Variants in CEP128 observed in about 807,000 individuals in gnomAD.
The protein encoded by CEP128 is centrosomal protein 128, also known as centrosomal protein 128kDa.
CEP128 carries 132 observed loss-of-function variants against 156.7 expected under a neutral mutation model. The ratio of observed to expected loss-of-function variants is 0.84; its 90% CI spans 0.73 to 0.97. CEP128 has a LOEUF of 0.97. CEP128 is among the 50% of genes least tolerant of loss of function. CEP128 has a pLI of 0.00. For missense variants in CEP128, 1,252 were observed against 1,281.9 expected (o/e 0.98, Z 0.36); for synonymous variants, 469 against 448.9 (o/e 1.04, Z -0.57).
intron 18 of CEP128, among the ~76,000 whole-genome samples, chr14:80,753,001 T>C (rs937292514): frequency 1.4e-5 from 2 of 146,782 alleles, no homozygotes; most frequent in African/African-American, 2.4e-5. Flanking sequence ...AGTGTATTTC[T>C]TACCCATCTA....
At chr14:80,689,975 G>GT (rs1348628660) in intron 19 of CEP128, among the ~76,000 whole-genome samples, 1 of 152,056 alleles carries the variant, frequency 6.6e-6, no homozygotes, top group Non-Finnish European at 1.5e-5. Flanking sequence ...AAGTAGATCT[G>GT]TGAGTCCCTG....
chr14:80,712,702 T>G (rs1897458027), intron 19 of CEP128, among the ~76,000 whole-genome samples: 1 of 152,186 alleles, frequency 6.6e-6, no homozygotes, highest in Non-Finnish European at 1.5e-5. Flanking sequence ...GCAAGCACTC[T>G]GGCAGCCTCA....
intron 13 of CEP128, among the ~76,000 whole-genome samples, chr14:80,815,566 G>A (rs1051256848): frequency 1.3e-5 from 2 of 152,150 alleles, no homozygotes; most frequent in African/African-American, 4.8e-5. Context: ...ACACTACTGA[G>A]AATCAACATG....
chr14:80,845,524 T>C (rs978996332), intron 9 of CEP128, among the ~76,000 whole-genome samples: 12 of 152,156 alleles, frequency 7.9e-5, no homozygotes, highest in Non-Finnish European at 1.6e-4. Context: ...TTTGACTTTC[T>C]AAATGCAGGG....
intron 19 of CEP128, among the ~76,000 whole-genome samples, chr14:80,600,384 G>C (rs1479976175): frequency 6.6e-6 from 1 of 152,162 alleles, no homozygotes; most frequent in Admixed American, 6.5e-5. Context: ...CTTGAAAGCA[G>C]TGAGAGAAAA....
rs548843345 is a variant in CEP128, at chr14:80,632,061, T to A, written c.2807-51638A>T. On this transcript the variant is annotated intron_variant, in intron 19 of 24. Transcript: ENST00000555265. ...TCTGAATTCTTACCAGTCACCTGAT[T>A]AAAAAGGTGCTGCTTCTATAATGTA... Among the ~76,000 whole-genome samples, 11 of 152,218 alleles carry A rather than the reference T, an allele frequency of 7.2e-5. No individual in the cohort carries two copies. The East Asian group carries it at 2.1e-3, about 29-fold the overall frequency.
chr14:80,853,914 G>A (rs1316596168), intron 9 of CEP128, among the ~76,000 whole-genome samples: 1 of 151,824 alleles, frequency 6.6e-6, no homozygotes, highest in African/African-American at 2.4e-5. Flanking sequence ...CAAAAATGAT[G>A]CTGAAGCAAC....
chr14:80,952,994 G>A (rs2139662069), intron 2 of CEP128, among the ~76,000 whole-genome samples: 1 of 152,244 alleles, frequency 6.6e-6, no homozygotes, highest in East Asian at 1.9e-4. Context: ...TTAGAAACTG[G>A]ATTTATAGTT....
intron 19 of CEP128, among the ~76,000 whole-genome samples, chr14:80,658,922 G>A (rs181534664): frequency 6.6e-6 from 1 of 152,228 alleles, no homozygotes; most frequent in East Asian, 1.9e-4. Flanking sequence ...CAGGGGACAG[G>A]GAGCAACCAG....
At chr14:80,727,218 C>A (rs947994773) in intron 19 of CEP128, among the ~76,000 whole-genome samples, 15 of 152,066 alleles carry the variant, frequency 9.9e-5, no homozygotes, top group African/African-American at 3.6e-4. Context: ...AACAATTCTA[C>A]CTAGCAGAGA....
At chr14:80,930,210 C>G (rs1207964777) in intron 2 of CEP128, among the ~76,000 whole-genome samples, 1 of 152,164 alleles carries the variant, frequency 6.6e-6, no homozygotes, top group African/African-American at 2.4e-5. Flanking sequence ...TTTGACTGCC[C>G]AGAGACCGTA....
chr14:80,896,753 C>T (rs1267531424), intron 7 of CEP128, among the ~76,000 whole-genome samples: 2 of 152,162 alleles, frequency 1.3e-5, no homozygotes, highest in African/African-American at 2.4e-5. Context: ...TTACTTATCA[C>T]ATCATTGATA....
At chr14:80,544,146 A>G (rs974766486) in intron 21 of CEP128, among the ~76,000 whole-genome samples, 13 of 152,200 alleles carry the variant, frequency 8.5e-5, no homozygotes, top group Non-Finnish European at 1.8e-4. Context: ...TCAGCTCAAG[A>G]ACATTCTTTG....
At chr14:80,761,040 A>C (rs1449490860) in intron 17 of CEP128, among the ~76,000 whole-genome samples, 1 of 152,036 alleles carries the variant, frequency 6.6e-6, no homozygotes, top group East Asian at 1.9e-4. Flanking sequence ...TCAGAGGATA[A>C]TGGAGAGACT....
chr14:80,936,494 A>T (rs961358618), intron 2 of CEP128, among the ~76,000 whole-genome samples: 73 of 152,326 alleles, frequency 4.8e-4, no homozygotes, highest in African/African-American at 1.7e-3. Context: ...AAATACTCCC[A>T]TCTCCCAAAT....
intron 22 of CEP128, 151 bp downstream of exon 22, chr14:80,530,658 T>C (rs1443818817): frequency 2.3e-6 from 1 of 440,994 alleles, no homozygotes; most frequent in Non-Finnish European, 4.1e-6. Context: ...ACTTCACAAA[T>C]GTCAATAAAC....
chr14:80,599,194 T>C (rs1215274592), intron 19 of CEP128, among the ~76,000 whole-genome samples: 2 of 152,140 alleles, frequency 1.3e-5, no homozygotes, highest in Non-Finnish European at 2.9e-5. Context: ...AATTCCTCTT[T>C]GAGGTTAACA....
intron 2 of CEP128, among the ~76,000 whole-genome samples, chr14:80,932,514 A>G (rs551996663): frequency 1.3e-5 from 2 of 152,290 alleles, no homozygotes; most frequent in East Asian, 1.9e-4. Flanking sequence ...GCCTGCTTCC[A>G]TTTCCAACAT....
chr14:80,762,867 T>C (rs916347277), intron 16 of CEP128, among the ~76,000 whole-genome samples: 1 of 152,192 alleles, frequency 6.6e-6, no homozygotes, highest in African/African-American at 2.4e-5. Context: ...GGATCTCAGC[T>C]TTGTAAACCT....
Sources: allele counts gnomAD v4.1 joint callset (sites outside exome capture counted in the v4.1 genomes callset), GRCh38; gene constraint gnomAD v4.1.1; transcripts MANE v1.5; gene names NCBI Gene and HGNC (gene_info 2026-07-23, HGNC 2026-07-21).